Variants in COL14A1 observed in about 807,000 individuals in gnomAD.
The protein encoded by COL14A1 is collagen type XIV alpha 1 chain, also known as collagen alpha-1(XIV) chain.
Under a neutral mutation model 230.3 loss-of-function variants are expected in COL14A1, and 136 were observed. The ratio of observed to expected loss-of-function variants is 0.59; its 90% CI spans 0.51 to 0.68. COL14A1 has a LOEUF of 0.68. Among genes scored for constraint, COL14A1 ranks in the 30% least tolerant of loss-of-function variants. COL14A1 has a pLI of 0.00. For synonymous variants in COL14A1, 792 were observed against 784.1 expected (o/e 1.01, Z -0.17); for missense variants, 1,976 against 2,215.8 (o/e 0.89, Z 2.17).
At chr8:120,274,382 A>G (rs990752161) in intron 26 of COL14A1, among the ~76,000 whole-genome samples, 1 of 151,794 alleles carries the variant, frequency 6.6e-6, no homozygotes, top group Non-Finnish European at 1.5e-5. Context: ...ACTGAATGGA[A>G]AAAAGTTGAT....
At chr8:120,216,009 A>T (rs1371722685) in intron 13 of COL14A1, among the ~76,000 whole-genome samples, 1 of 152,210 alleles carries the variant, frequency 6.6e-6, no homozygotes, top group East Asian at 1.9e-4. Context: ...TGAGTGGACT[A>T]GCTAAAATTT....
intron 2 of COL14A1, among the ~76,000 whole-genome samples, chr8:120,156,621 T>C (rs1714480381): frequency 6.6e-6 from 1 of 152,216 alleles, no homozygotes; most frequent in Non-Finnish European, 1.5e-5. Flanking sequence ...AATGTATGTT[T>C]CGAAGATTAA....
rs186267860 is a variant in COL14A1, at chr8:120,290,400, A to C, written c.4236+634A>C. ...CATTCCCATCACTCATTACCCACAA[A>C]AAAAAGAATAGTGCACACAGTTTTT... On this transcript the variant is annotated intron_variant, in intron 34 of 47. Coordinates refer to ENST00000297848, the MANE Select transcript of COL14A1 (RefSeq NM_021110.4). Among the ~76,000 whole-genome samples, 1,073 of 152,302 alleles carry C rather than the reference A, an allele frequency of 7.0e-3. 11 individuals are homozygous for C. The Middle Eastern group carries it at 0.071, about 10-fold the overall frequency.
intron 36 of COL14A1, among the ~76,000 whole-genome samples, chr8:120,302,028 C>T (rs1176680000): frequency 1.3e-5 from 2 of 151,952 alleles, no homozygotes; most frequent in Non-Finnish European, 2.9e-5. Context: ...TGTTTATGTC[C>T]TTCTTTTGAA....
intron 2 of COL14A1, among the ~76,000 whole-genome samples, chr8:120,151,257 G>A (rs1815268696): frequency 6.6e-6 from 1 of 152,088 alleles, no homozygotes; most frequent in South Asian, 2.1e-4. Flanking sequence ...TGCTTTATTG[G>A]ATTGATTTTC....
At position 120,172,109 on chromosome 8, in the gene COL14A1, A is replaced by G. The variant is rs113040845; in HGVS notation, c.436+3862A>G. Among the ~76,000 whole-genome samples, 1,037 of 152,122 alleles carry G rather than the reference A, an allele frequency of 6.8e-3. 10 individuals carry two copies. The highest frequency in any genetic ancestry group is 0.019 in the African/African-American group (786 of 41,516). On this transcript the variant is annotated intron_variant, in intron 5 of 47. Transcript: ENST00000297848. Reference sequence around the variant, plus strand: ...ATGATCATTTTATATTCTGAATTCAATAATTCTATTATTAAAGTATTTTAG... The same window carrying G: ...ATGATCATTTTATATTCTGAATTCAGTAATTCTATTATTAAAGTATTTTAG...
intron 22 of COL14A1, among the ~76,000 whole-genome samples, chr8:120,252,488 A>G (rs1397068597): frequency 2.0e-5 from 3 of 152,228 alleles, no homozygotes; most frequent in African/African-American, 7.2e-5. Flanking sequence ...CCTGAGTGCA[A>G]TCAACAGCAC....
intron 42 of COL14A1, 24 bp from the exon 43 acceptor site, chr8:120,341,301 C>A (rs768782271): frequency 4.3e-6 from 7 of 1,613,370 alleles, no homozygotes; most frequent in Non-Finnish European, 5.9e-6. Flanking sequence ...TCATAAGTAA[C>A]TTGACAATTT....
rs978276227 is a variant in COL14A1, at chr8:120,155,973, G to C, written c.89-2157G>C. ...CTTTCTTCCATTCATGTCACATTGAGAACAGGAAGCTAATGTTTTTATTCA... is the reference window on the plus strand; with the variant it reads ...CTTTCTTCCATTCATGTCACATTGACAACAGGAAGCTAATGTTTTTATTCA... On this transcript the variant is annotated intron_variant, in intron 2 of 47. Coordinates refer to ENST00000297848, the MANE Select transcript of COL14A1 (RefSeq NM_021110.4). Among the ~76,000 whole-genome samples the C allele has an allele frequency of 2.6e-5, 4 of 152,120 alleles. No individual in the cohort carries two copies. In the East Asian group the frequency reaches 7.7e-4, roughly 29 times the overall value.
chr8:120,216,885 A>G (rs1011823762), intron 14 of COL14A1, among the ~76,000 whole-genome samples: 1 of 152,200 alleles, frequency 6.6e-6, no homozygotes, highest in African/African-American at 2.4e-5. Context: ...GTCCAAACAG[A>G]GAGAGAGCTA....
chr8:120,337,808 GT>G (rs1363045390), intron 42 of COL14A1, among the ~76,000 whole-genome samples: 1 of 152,080 alleles, frequency 6.6e-6, no homozygotes, highest in Admixed American at 6.5e-5. Flanking sequence ...TTTTTATTTT[GT>G]TTTTGTTTTA....
In COL14A1 at chr8:120,166,915, TGTGTGTG is replaced by T. The variant is rs1252326410; in HGVS notation, c.350-1242_350-1236del. ...GTGTGTGTGTGTGTGTGTGTGTGTG[TGTGTGTG>T]GTGGTGATGATGGTGGTGGTGGGGG... On this transcript the variant is annotated intron_variant, in intron 4 of 47. Transcript: ENST00000297848. 3.2e-3 allele frequency among the ~76,000 whole-genome samples: 464 copies of T among 147,068 alleles called. 5 individuals carry two copies. The highest frequency in any genetic ancestry group is 0.011 in the African/African-American group (417 of 39,370).
upstream of COL14A1, among the ~76,000 whole-genome samples, chr8:120,124,897 C>T (rs1814267223): frequency 6.6e-6 from 1 of 152,050 alleles, no homozygotes; most frequent in Non-Finnish European, 1.5e-5. Context: ...CCGCGCGCAC[C>T]TGGGGGGACC....
At chr8:120,163,331 T>C (rs895108495) in intron 4 of COL14A1, among the ~76,000 whole-genome samples, 8 of 152,178 alleles carry the variant, frequency 5.3e-5, no homozygotes, top group Non-Finnish European at 1.2e-4. Context: ...TTTGAGCCAG[T>C]TCTCAAATAG....
At chr8:120,297,664 A>G in intron 35 of COL14A1, 76 bp downstream of exon 35, 1 of 797,854 alleles carries the variant, frequency 1.3e-6, no homozygotes, top group Non-Finnish European at 1.8e-6. Flanking sequence ...CTATTTCTCA[A>G]CATTCATATC....
intron 45 of COL14A1, among the ~76,000 whole-genome samples, chr8:120,353,577 G>A (rs1350082859): frequency 1.7e-4 from 25 of 150,974 alleles, no homozygotes; most frequent in South Asian, 2.1e-4. Context: ...AAAAGTGGGC[G>A]AAGGACATGA....
intron 36 of COL14A1, among the ~76,000 whole-genome samples, chr8:120,302,899 G>A (rs1189879625): frequency 2.0e-5 from 3 of 152,076 alleles, no homozygotes; most frequent in Non-Finnish European, 2.9e-5. Flanking sequence ...ATTTGTTTAT[G>A]TCATCTCTGA....
chr8:120,261,804 A>C (rs1382863137), intron 23 of COL14A1, among the ~76,000 whole-genome samples: 1 of 152,164 alleles, frequency 6.6e-6, no homozygotes, highest in African/African-American at 2.4e-5. Flanking sequence ...TCCTCAATTA[A>C]AGGATTTTCA....
chr8:120,342,460 G>T lies in COL14A1; in HGVS notation c.4888+14G>T. ...AGCTCATCCAGAGTAAGTATGTAAT[G>T]GTTACGGAGGATGTTCCCCATAACA... On this transcript the variant is annotated intron_variant, in intron 44 of 47. Coordinates refer to ENST00000297848, the MANE Select transcript of COL14A1 (RefSeq NM_021110.4). The T allele has an allele frequency of 6.2e-7, 1 of 1,611,038 alleles. No individual in the cohort carries two copies. The highest frequency in any genetic ancestry group is 8.5e-7 in the Non-Finnish European group (1 of 1,177,364).
Sources: allele counts gnomAD v4.1 joint callset (sites outside exome capture counted in the v4.1 genomes callset), GRCh38; gene constraint gnomAD v4.1.1; transcripts MANE v1.5; gene names NCBI Gene and HGNC (gene_info 2026-07-23, HGNC 2026-07-21).